Variants in MSRA observed in about 807,000 individuals in gnomAD.
MSRA encodes the protein methionine sulfoxide reductase A.
Under a neutral mutation model 31.3 loss-of-function variants are expected in MSRA, and 54 were observed. The observed-to-expected ratio is 1.73, with a 90% CI of 1.39 to 2.17. The LOEUF is 2.17. Among genes scored for constraint, MSRA ranks in the 30% most tolerant of loss-of-function variants. The probability of loss-of-function intolerance (pLI) is 0.00; values close to 1 mark genes in which losing one functional copy is unlikely to be tolerated. For synonymous variants in MSRA, 169 were observed against 116.5 expected (o/e 1.45, Z -2.90); for missense variants, 507 against 300.9 (o/e 1.69, Z -5.07).
intron 5 of MSRA, among the ~76,000 whole-genome samples, chr8:10,401,427 G>C (rs1357036255): frequency 1.3e-5 from 2 of 152,166 alleles, no homozygotes; most frequent in African/African-American, 4.8e-5. Context: ...GTGTTGGTGA[G>C]GATGTGGAGA....
chr8:10,179,522 G>T (rs1259395565), intron 1 of MSRA, among the ~76,000 whole-genome samples: 1 of 152,204 alleles, frequency 6.6e-6, no homozygotes, highest in Non-Finnish European at 1.5e-5. Context: ...TCTTGGAATG[G>T]TGTATATATT....
At chr8:10,422,368 G>A (rs1346701555) in intron 5 of MSRA, among the ~76,000 whole-genome samples, 1 of 152,156 alleles carries the variant, frequency 6.6e-6, no homozygotes, top group Non-Finnish European at 1.5e-5. Flanking sequence ...AACTAGGTAA[G>A]GGGCCCATTT....
At chr8:10,383,136 G>A (rs1259571251) in intron 5 of MSRA, among the ~76,000 whole-genome samples, 1 of 152,222 alleles carries the variant, frequency 6.6e-6, no homozygotes, top group Non-Finnish European at 1.5e-5. Context: ...GGCAGAGTCA[G>A]GACTGTCCCA....
intron 1 of MSRA, among the ~76,000 whole-genome samples, chr8:10,115,814 G>A (rs1229043097): frequency 2.0e-5 from 3 of 152,078 alleles, no homozygotes; most frequent in Admixed American, 2.0e-4. Context: ...GTTAGAAGAG[G>A]ACACAGTCCA....
At chr8:10,097,446 G>C (rs982141582) in intron 1 of MSRA, among the ~76,000 whole-genome samples, 2 of 152,086 alleles carry the variant, frequency 1.3e-5, no homozygotes, top group African/African-American at 2.4e-5. Context: ...TTTTTGAATT[G>C]ATTACAGGAT....
chr8:10,276,054 C>T (rs933711693), intron 3 of MSRA, among the ~76,000 whole-genome samples: 2 of 152,218 alleles, frequency 1.3e-5, no homozygotes, highest in African/African-American at 4.8e-5. Flanking sequence ...CTGGGCAGGC[C>T]TCTCGCTCCG....
chr8:10,118,464 A>G (rs143953949), intron 1 of MSRA, among the ~76,000 whole-genome samples: 1 of 152,114 alleles, frequency 6.6e-6, no homozygotes. Flanking sequence ...GAAATGCTAC[A>G]GGCCTGATCC....
At chr8:10,122,724 C>G (rs1801218328) in intron 1 of MSRA, among the ~76,000 whole-genome samples, 1 of 151,982 alleles carries the variant, frequency 6.6e-6, no homozygotes, top group South Asian at 2.1e-4. Context: ...GTCTTTTGTT[C>G]CCATCTTTGT....
At position 10,335,046 on chromosome 8, in the gene MSRA, T is replaced by A. The variant is rs1802944935; in HGVS notation, c.543+15057T>A. Among the ~76,000 whole-genome samples the A allele has an allele frequency of 2.0e-5, 3 of 152,082 alleles. No homozygotes were observed. The South Asian group carries it at 6.2e-4, about 31-fold the overall frequency. The stretch of plus-strand genomic sequence containing the variant: ...GCCCTGCGCCATGGCCCCGTGCAGG[T>A]AGAGGCCTGGGCATGGTGCGTTGCA... On this transcript the variant is annotated intron_variant, in intron 5 of 5. Transcript: ENST00000317173.
At chr8:10,072,582 C>A (rs1465772643) in intron 1 of MSRA, among the ~76,000 whole-genome samples, 1 of 152,132 alleles carries the variant, frequency 6.6e-6, no homozygotes, top group Non-Finnish European at 1.5e-5. Flanking sequence ...TTTAGCTGTT[C>A]TAAGGTCTGT....
chr8:10,087,616 G>T (rs11988116), intron 1 of MSRA, among the ~76,000 whole-genome samples: 3 of 152,142 alleles, frequency 2.0e-5, no homozygotes, highest in South Asian at 4.1e-4. Flanking sequence ...TTTCTGTCCC[G>T]TGGGCTAGGT....
chr8:10,084,935 G>A (rs529491334), intron 1 of MSRA, among the ~76,000 whole-genome samples: 1 of 151,976 alleles, frequency 6.6e-6, no homozygotes, highest in African/African-American at 2.4e-5. Context: ...TATTTTTTCA[G>A]ATGAAGCTGG....
chr8:10,331,088 C>G lies in MSRA; in HGVS notation c.543+11099C>G, dbSNP rs947818003. Among the ~76,000 whole-genome samples the G allele has an allele frequency of 4.6e-5, 7 of 152,220 alleles. No individual in the cohort carries two copies. In the South Asian group the frequency reaches 1.4e-3, roughly 32 times the overall value. ...AGTCATGTGAACACAAATAGAACTG[C>G]CTGCAAGCCCTGAGAAGAGGACTTG... On this transcript the variant is annotated intron_variant, in intron 5 of 5. Transcript: ENST00000317173.
intron 1 of MSRA, among the ~76,000 whole-genome samples, chr8:10,183,997 GC>G (rs55645549): frequency 1 from 149,567 of 149,614 alleles, 74,760 homozygotes; most frequent in Middle Eastern, 1. Context: ...GGTTTTCTTG[GC>G]TACTAGGTGG....
intron 1 of MSRA, among the ~76,000 whole-genome samples, chr8:10,082,482 T>A (rs1056010897): frequency 6.6e-6 from 1 of 152,112 alleles, no homozygotes; most frequent in Non-Finnish European, 1.5e-5. Context: ...ATACGTCATC[T>A]TTTCTCCCAC....
intron 5 of MSRA, among the ~76,000 whole-genome samples, chr8:10,367,546 G>A (rs981395166): frequency 3.9e-5 from 6 of 152,188 alleles, no homozygotes; most frequent in South Asian, 2.1e-4. Flanking sequence ...ACTGTACAAG[G>A]CATGCACTGT....
chr8:10,274,348 G>A (rs1799206991), intron 3 of MSRA, among the ~76,000 whole-genome samples: 1 of 152,172 alleles, frequency 6.6e-6, no homozygotes, highest in East Asian at 1.9e-4. Context: ...GTTTCTCAGA[G>A]GGACCAAGAC....
intron 5 of MSRA, among the ~76,000 whole-genome samples, chr8:10,361,897 CT>C (rs1563394385): frequency 6.6e-6 from 1 of 152,040 alleles, no homozygotes; most frequent in Non-Finnish European, 1.5e-5. Context: ...TAGTTTTGAA[CT>C]TTTTCTTCCT....
At chr8:10,357,351 G>T (rs1372576808) in intron 5 of MSRA, among the ~76,000 whole-genome samples, 1 of 152,206 alleles carries the variant, frequency 6.6e-6, no homozygotes, top group Non-Finnish European at 1.5e-5. Context: ...AATGCTTAAT[G>T]CTTTCTCTCG....
Sources: allele counts gnomAD v4.1 joint callset (sites outside exome capture counted in the v4.1 genomes callset), GRCh38; gene constraint gnomAD v4.1.1; transcripts MANE v1.5; gene names NCBI Gene and HGNC (gene_info 2026-07-23, HGNC 2026-07-21).